Variants in CTNND2 observed in about 807,000 individuals in gnomAD.
CTNND2 encodes catenin delta-2.
In CTNND2, 22 loss-of-function variants were observed where a neutral mutation model predicts 144.4. That is an observed-to-expected ratio of 0.15 (90% CI 0.11 to 0.22). The LOEUF (loss-of-function observed/expected upper bound fraction) is 0.22, where lower values mean the gene tolerates loss of function less well. Ranked by LOEUF, CTNND2 falls within the 10% of genes least tolerant of loss-of-function variation. The pLI is 1.00. For synonymous variants in CTNND2, 751 were observed against 695.6 expected (o/e 1.08, Z -1.25); for missense variants, 1,353 against 1,618.8 (o/e 0.84, Z 2.82).
chr5:11,633,068 G>A (rs906820119), intron 2 of CTNND2, among the ~76,000 whole-genome samples: 1 of 152,004 alleles, frequency 6.6e-6, no homozygotes, highest in African/African-American at 2.4e-5. Flanking sequence ...ATAGAGAGAA[G>A]GCATGAAAAT....
chr5:11,432,970 T>C (rs952026220), intron 3 of CTNND2, among the ~76,000 whole-genome samples: 2 of 152,118 alleles, frequency 1.3e-5, no homozygotes, highest in Non-Finnish European at 2.9e-5. Flanking sequence ...ACTAGCCGGG[T>C]GCAGTGGCTC....
At chr5:11,386,836 A>G (rs1319257093) in intron 6 of CTNND2, among the ~76,000 whole-genome samples, 2 of 152,152 alleles carry the variant, frequency 1.3e-5, no homozygotes, top group Non-Finnish European at 2.9e-5. Context: ...TCTCAAGGCT[A>G]TGAGGGTCTT....
At chr5:11,841,040 A>C (rs1428080095) in intron 1 of CTNND2, among the ~76,000 whole-genome samples, 1 of 152,206 alleles carries the variant, frequency 6.6e-6, no homozygotes. Context: ...GAAACCTATA[A>C]GGCCAATAAT....
At chr5:11,420,834 T>G (rs902639035) in intron 3 of CTNND2, among the ~76,000 whole-genome samples, 5 of 152,206 alleles carry the variant, frequency 3.3e-5, no homozygotes, top group South Asian at 2.1e-4. Context: ...AAAATACAAC[T>G]TGACGGCTAT....
intron 2 of CTNND2, among the ~76,000 whole-genome samples, chr5:11,662,205 GTA>G (rs59545894): frequency 1.0e-3 from 130 of 126,024 alleles, no homozygotes; most frequent in South Asian, 2.5e-3. Flanking sequence ...GTGTATATAT[GTA>G]TATATATACA....
intron 2 of CTNND2, among the ~76,000 whole-genome samples, chr5:11,610,243 G>A (rs1186452185): frequency 6.6e-6 from 1 of 152,124 alleles, no homozygotes; most frequent in Non-Finnish European, 1.5e-5. Context: ...AAAACCCAGT[G>A]CCTTCTCTTG....
intron 1 of CTNND2, among the ~76,000 whole-genome samples, chr5:11,754,579 G>A (rs962335693): frequency 6.6e-6 from 1 of 151,718 alleles, no homozygotes; most frequent in Non-Finnish European, 1.5e-5. Flanking sequence ...CTATTATTGT[G>A]TGGTTATCTA....
chr5:11,104,238 C>T (rs934978627), intron 14 of CTNND2, among the ~76,000 whole-genome samples: 4 of 152,282 alleles, frequency 2.6e-5, no homozygotes, highest in South Asian at 2.1e-4. Context: ...ACCAGAGATG[C>T]TGCAAGATAA....
chr5:11,749,783 C>T (rs1788510461), intron 1 of CTNND2, among the ~76,000 whole-genome samples: 1 of 151,814 alleles, frequency 6.6e-6, no homozygotes, highest in Non-Finnish European at 1.5e-5. Flanking sequence ...AAATAATAGT[C>T]TTACATATGA....
At chr5:11,879,354 T>TATATATATACAC (rs1169270632) in intron 1 of CTNND2, among the ~76,000 whole-genome samples, 21 of 139,778 alleles carry the variant, frequency 1.5e-4, no homozygotes, top group African/African-American at 5.1e-4. Context: ...TATATATATA[T>TATATATATACAC]ATACATATAC....
intron 9 of CTNND2, among the ~76,000 whole-genome samples, chr5:11,322,100 G>A (rs73055802): frequency 6.6e-5 from 10 of 152,050 alleles, no homozygotes; most frequent in South Asian, 2.1e-4. Flanking sequence ...TTCTCTATAC[G>A]CATCATACTC....
At chr5:11,185,036 C>G (rs559759863) in intron 11 of CTNND2, among the ~76,000 whole-genome samples, 1 of 152,328 alleles carries the variant, frequency 6.6e-6, no homozygotes, top group Admixed American at 6.5e-5. Context: ...ACACGGATGA[C>G]TCAGTTCTCA....
chr5:11,555,670 C>T (rs75103243), intron 3 of CTNND2, among the ~76,000 whole-genome samples: 4,958 of 151,290 alleles, frequency 0.033, 289 homozygotes, highest in African/African-American at 0.11. Flanking sequence ...GGAACAATCT[C>T]AGCATTAAAA....
intron 10 of CTNND2, among the ~76,000 whole-genome samples, chr5:11,221,592 C>T (rs150133590): frequency 1.9e-4 from 29 of 152,260 alleles, no homozygotes; most frequent in Non-Finnish European, 2.8e-4. Context: ...GAGATGACGG[C>T]GCCTTATAAT....
At chr5:11,820,978 C>A (rs1257896862) in intron 1 of CTNND2, among the ~76,000 whole-genome samples, 1 of 152,208 alleles carries the variant, frequency 6.6e-6, no homozygotes, top group African/African-American at 2.4e-5. Context: ...ACTGGTCAAA[C>A]TACTAATGTC....
intron 10 of CTNND2, among the ~76,000 whole-genome samples, chr5:11,221,885 T>TA (rs1262532709): frequency 2.0e-5 from 3 of 152,164 alleles, no homozygotes; most frequent in Non-Finnish European, 4.4e-5. Context: ...CCCTACAGAC[T>TA]AAAGCAAAAG....
At chr5:10,993,858 TATTA>T (rs1245101983) in intron 18 of CTNND2, among the ~76,000 whole-genome samples, 1 of 152,162 alleles carries the variant, frequency 6.6e-6, no homozygotes, top group Non-Finnish European at 1.5e-5. Context: ...TTTTGTTCTT[TATTA>T]ATTCATCTAT....
intron 11 of CTNND2, among the ~76,000 whole-genome samples, chr5:11,180,717 G>A (rs1340962040): frequency 6.6e-6 from 1 of 152,218 alleles, no homozygotes; most frequent in Non-Finnish European, 1.5e-5. Flanking sequence ...GGGCTTAGCT[G>A]AGCAACACAC....
At chr5:11,083,520 C>T (rs1486823645) in intron 15 of CTNND2, among the ~76,000 whole-genome samples, 2 of 152,074 alleles carry the variant, frequency 1.3e-5, no homozygotes, top group East Asian at 3.9e-4. Context: ...GGTTGGTGGT[C>T]GTCAGCCTTA....
Sources: gnomAD v4.1 joint callset for allele counts (sites outside exome capture counted in the v4.1 genomes callset) on GRCh38, gnomAD v4.1.1 for gene constraint, MANE v1.5 for transcripts, NCBI Gene and HGNC (gene_info 2026-07-23, HGNC 2026-07-21) for gene names.